KDM4D: variants seen among roughly 807,000 people sequenced by gnomAD.
KDM4D encodes the protein lysine demethylase 4D.
For synonymous variants in KDM4D, 254 were observed against 249.1 expected, an observed-to-expected ratio of 1.02 and a Z score of -0.19; for missense variants, 427 against 674.8, an observed-to-expected ratio of 0.63 and a Z score of 4.07.
chr11:94,978,608 C>T (rs1369760033), intron 2 of KDM4D, among the ~76,000 whole-genome samples: 10 of 152,144 alleles, frequency 6.6e-5, no homozygotes, highest in Non-Finnish European at 4.4e-5. Context: ...AGTTACTCAC[C>T]TCTCATCTAA....
chr11:94,996,748 G>C (rs1412625483), intron 2 of KDM4D, among the ~76,000 whole-genome samples: 1 of 152,082 alleles, frequency 6.6e-6, no homozygotes, highest in East Asian at 1.9e-4. Context: ...CATTTCCTAG[G>C]CATGTGGAAC....
rs587728772 is a variant in KDM4D, at chr11:94,982,727, C to A, written c.-350+6979C>A. On this transcript the variant is annotated intron_variant, in intron 2 of 2. Transcript: ENST00000335080. Reference sequence around the variant, plus strand: ...GTAAGATCAATAAATAATAAGAAAACTTAATAGAAAAAAATTTCCATGTAC... The same window carrying A: ...GTAAGATCAATAAATAATAAGAAAAATTAATAGAAAAAAATTTCCATGTAC... Among the ~76,000 whole-genome samples the A allele has an allele frequency of 2.1e-3, 311 of 151,648 alleles. 2 individuals carry two copies. The highest frequency in any genetic ancestry group is 3.2e-3 in the Non-Finnish European group (219 of 67,736).
chr11:94,977,361 GTTTTCTATGGTCTACCCT>G (rs1205500630), intron 2 of KDM4D, among the ~76,000 whole-genome samples: 6 of 152,152 alleles, frequency 3.9e-5, no homozygotes, highest in Non-Finnish European at 4.4e-5. Context: ...GGTTTCCAAA[GTTTTCTATGGTCTACCCT>G]TTCCCCTACC....
At chr11:94,983,615 G>GA (rs1381054319) in intron 2 of KDM4D, among the ~76,000 whole-genome samples, 4 of 152,008 alleles carry the variant, frequency 2.6e-5, no homozygotes, top group Admixed American at 6.5e-5. Context: ...AATTTAACTG[G>GA]AAAAAATCGG....
chr11:94,976,216 A>G (rs1174437551), intron 2 of KDM4D, among the ~76,000 whole-genome samples: 6 of 152,220 alleles, frequency 3.9e-5, no homozygotes, highest in Admixed American at 2.0e-4. Context: ...TTTGGCCCTT[A>G]ATTCTGCCTG....
Position 94,997,782 on chromosome 11 carries a change from G to C in KDM4D, c.410G>C (p.Gly137Ala), listed in dbSNP as rs1365491534. The C allele has an allele frequency of 5.6e-6, 9 of 1,614,114 alleles. No homozygotes were observed. The highest frequency in any genetic ancestry group is 7.6e-6 in the Non-Finnish European group (9 of 1,180,046). The change falls in exon 3 of 3, where the codon GGT (glycine) becomes GCT (alanine). Residue 137 changes from glycine (G) to alanine (A), a missense_variant. Physicochemically the swap from Gly to Ala is moderately conservative, Grantham distance 60. Transcript: ENST00000335080. ...CGCATCTATAATTCACCGATTTATG[G>C]TGCTGACATCAGTGGCTCCTTGTTT... is the stretch of plus-strand genomic sequence containing the variant. The part of the protein sequence containing the change: ...KNRIYNSPIY[G>A]ADISGSLFDE...
chr11:94,981,307 G>A (rs938654264), intron 2 of KDM4D, among the ~76,000 whole-genome samples: 32 of 152,090 alleles, frequency 2.1e-4, no homozygotes, highest in African/African-American at 7.5e-4. Context: ...GTTCATAAGC[G>A]AGATTGACCT....
intron 2 of KDM4D, among the ~76,000 whole-genome samples, 167 bp downstream of exon 2, chr11:94,975,915 C>T (rs1005698235): frequency 6.6e-6 from 1 of 152,146 alleles, no homozygotes; most frequent in Non-Finnish European, 1.5e-5. Flanking sequence ...TAACTCCCAG[C>T]CCACTAACCT....
intron 2 of KDM4D, among the ~76,000 whole-genome samples, chr11:94,992,645 TA>T (rs1267981737): frequency 6.6e-6 from 1 of 152,160 alleles, no homozygotes; most frequent in Non-Finnish European, 1.5e-5. Context: ...TTCTATAATG[TA>T]ATTTCATTTA....
chr11:94,993,711 CA>C (rs1289896647), intron 2 of KDM4D, among the ~76,000 whole-genome samples: 2 of 151,586 alleles, frequency 1.3e-5, no homozygotes, highest in African/African-American at 2.4e-5. Context: ...CTTGTATATT[CA>C]AAAAAATATA....
At chr11:94,994,023 C>T (rs953491642) in intron 2 of KDM4D, among the ~76,000 whole-genome samples, 33 of 152,000 alleles carry the variant, frequency 2.2e-4, no homozygotes, top group African/African-American at 2.7e-4. Flanking sequence ...CTCAGTGTCT[C>T]GCTTGAGTAG....
In KDM4D at chr11:94,998,440, A is replaced by G; in HGVS notation, c.1068A>G (p.Gln356=). The G allele has an allele frequency of 3.1e-6, 5 of 1,613,554 alleles. 1 individual carries two copies. In the South Asian group the frequency reaches 5.5e-5, roughly 18 times the overall value. Residue 356 remains glutamine, a synonymous_variant, in exon 3 of 3, where the codon CAA becomes CAG. Coordinates refer to ENST00000335080, the MANE Select transcript of KDM4D (RefSeq NM_018039.3). This position sits in a 1 kb window ranked among gnomAD's most constrained non-coding sequence, Gnocchi z 6.7. ...TGGAGCCCAGGGTACCAGCCAGCCA[A>G]GAGCTGAGCACCCAGAAGGAAGTCC... ...DHMEPRVPAS[Q]ELSTQKEVQL... is the part of the protein sequence containing the mutation.
At chr11:94,978,265 T>A (rs1418287821) in intron 2 of KDM4D, among the ~76,000 whole-genome samples, 1 of 152,120 alleles carries the variant, frequency 6.6e-6, no homozygotes, top group Non-Finnish European at 1.5e-5. Flanking sequence ...ACATTTTGCT[T>A]AAAAATGTTT....
intron 2 of KDM4D, among the ~76,000 whole-genome samples, chr11:94,992,909 G>GA (rs1201246101): frequency 1.3e-5 from 2 of 152,044 alleles, no homozygotes; most frequent in African/African-American, 2.4e-5. Flanking sequence ...TTCTAACTGA[G>GA]AAAAAAATTT....
chr11:94,981,517 C>T (rs1555097554), intron 2 of KDM4D, among the ~76,000 whole-genome samples: 1 of 151,880 alleles, frequency 6.6e-6, no homozygotes, highest in Non-Finnish European at 1.5e-5. Context: ...CGTCAGTGTC[C>T]TTGAGGGTTA....
Position 94,998,805 on chromosome 11 carries a change from G to C in KDM4D, c.1433G>C (p.Gly478Ala), listed in dbSNP as rs781831000. Residue 478 changes from glycine (G) to alanine (A), a missense_variant, in exon 3 of 3, where the codon GGC becomes GCC. Gly to Ala is a moderately conservative substitution (Grantham distance 60). Transcript: ENST00000335080. The surrounding 1 kb of genome is among the most constrained non-coding windows in gnomAD (Gnocchi z 6.7). ...QTPAKRPLLA[G>A]TTCTASGPEP... ...CCAGCCAAGAGGCCCCTCTTGGCGG[G>C]CACAACATGCACAGCTTCGGGCCCA... The C allele has an allele frequency of 6.2e-7, 1 of 1,602,896 alleles. No homozygotes were observed. The highest frequency in any genetic ancestry group is 1.1e-5 in the South Asian group (1 of 90,104).
intron 2 of KDM4D, among the ~76,000 whole-genome samples, chr11:94,978,303 A>G (rs1331323307): frequency 6.6e-6 from 1 of 151,978 alleles, no homozygotes; most frequent in African/African-American, 2.4e-5. Flanking sequence ...AGGAATACGA[A>G]AAAAAAAATG....
At chr11:94,978,237 T>G (rs1160067697) in intron 2 of KDM4D, among the ~76,000 whole-genome samples, 3 of 152,198 alleles carry the variant, frequency 2.0e-5, no homozygotes, top group African/African-American at 7.2e-5. Flanking sequence ...TACCAAGTTA[T>G]TGGCCCACAA....
chr11:94,981,919 T>G (rs1555097603), intron 2 of KDM4D, among the ~76,000 whole-genome samples: 1 of 151,352 alleles, frequency 6.6e-6, no homozygotes, highest in African/African-American at 2.4e-5. Flanking sequence ...CTTAGCTCAT[T>G]TAGTTTTTTT....
Sources: allele counts gnomAD v4.1 joint callset (sites outside exome capture counted in the v4.1 genomes callset), GRCh38; gene constraint gnomAD v4.1.1; non-coding constraint Gnocchi (gnomAD v3.1); transcripts MANE v1.5; gene names NCBI Gene and HGNC (gene_info 2026-07-23, HGNC 2026-07-21).